The following MMP26 variants were observed in gnomAD, a reference collection of about 807,000 sequenced individuals.
MMP26 encodes the protein matrix metalloproteinase-26.
Under a neutral mutation model 31.0 loss-of-function variants are expected in MMP26, and 33 were observed. The ratio of observed to expected loss-of-function variants is 1.06; its 90% CI spans 0.81 to 1.42. The LOEUF (loss-of-function observed/expected upper bound fraction) is 1.42, where lower values mean the gene tolerates loss of function less well. Among genes scored for constraint, MMP26 ranks in the 40% most tolerant of loss-of-function variants. MMP26 has a pLI of 0.00. For synonymous variants in MMP26, 122 were observed against 114.9 expected, an observed-to-expected ratio of 1.06 and a Z score of -0.40; for missense variants, 347 against 316.1, an observed-to-expected ratio of 1.10 and a Z score of -0.74.
chr11:4,922,787 T>A (rs1020144001), intron 2 of MMP26, among the ~76,000 whole-genome samples: 7 of 152,218 alleles, frequency 4.6e-5, no homozygotes, highest in Admixed American at 4.6e-4. Flanking sequence ...TTGTGCTGTT[T>A]CAATTTGATA....
chr11:4,944,270 G>A (rs1163378637), intron 2 of MMP26: 1 of 216,850 alleles, frequency 4.6e-6, no homozygotes, highest in South Asian at 5.8e-5. Context: ...TACTATCCTG[G>A]AGCATCAGAG....
At chr11:4,900,904 T>A (rs1850790484) in intron 2 of MMP26, among the ~76,000 whole-genome samples, 2 of 152,184 alleles carry the variant, frequency 1.3e-5, no homozygotes, top group Non-Finnish European at 2.9e-5. Context: ...TCAGCTGATT[T>A]GTCCGTGGGA....
rs545466150 is a variant in MMP26 at position 4,715,828 on chromosome 11, A to G, written c.-217+10783A>G. On this transcript the variant is annotated intron_variant, in intron 1 of 7. Coordinates refer to ENST00000380390, the MANE Select transcript of MMP26 (RefSeq NM_021801.5). The stretch of plus-strand genomic sequence containing the variant: ...TTGGGTGTGTGAGTGGGGCCTGTGA[A>G]TGTGATGGGATATCACTCCCATGAT... Among the ~76,000 whole-genome samples, 17 of 152,276 alleles carry G rather than the reference A, an allele frequency of 1.1e-4. No homozygotes were observed. The East Asian group carries it at 3.3e-3, about 29-fold the overall frequency.
At chr11:4,710,120 T>C (rs1233438244) in intron 1 of MMP26, 1 of 456,818 alleles carries the variant, frequency 2.2e-6, no homozygotes, top group Admixed American at 2.3e-5. Flanking sequence ...GCTTCCACCC[T>C]GATGCGATGA....
In MMP26 at chr11:4,817,006, T is replaced by G. The variant is rs550913756; in HGVS notation, c.-145+49665T>G. Among the ~76,000 whole-genome samples, 4 of 152,118 alleles carry G rather than the reference T, an allele frequency of 2.6e-5. No individual in the cohort carries two copies. The South Asian group carries it at 8.3e-4, about 32-fold the overall frequency. On this transcript the variant is annotated intron_variant, in intron 2 of 7. Transcript: ENST00000380390. ...CCTTCTTTTGTAGTGGCACGTTTAG[T>G]GACATAGGTTGATGTGTCATTATTT...
intron 1 of MMP26, among the ~76,000 whole-genome samples, chr11:4,737,970 C>T (rs951950846): frequency 6.6e-6 from 1 of 152,174 alleles, no homozygotes; most frequent in Non-Finnish European, 1.5e-5. Context: ...GCTCTAGTCA[C>T]CATGCCCCAC....
chr11:4,714,920 T>TCTCTCTCA lies in MMP26; in HGVS notation c.-217+9876_-217+9877insTCTCTCAC, dbSNP rs376354906. ...CCAAATCTCTCTCTCTCTCTCTCTC[T>TCTCTCTCA]CACACACACACACACACACACACAC... On this transcript the variant is annotated intron_variant, in intron 1 of 7. Transcript: ENST00000380390. 6.6e-3 allele frequency among the ~76,000 whole-genome samples: 935 copies of TCTCTCTCA among 141,742 alleles called. 4 individuals carry two copies. The highest frequency in any genetic ancestry group is 0.011 in the Middle Eastern group (3 of 284). The allele number at this position is 141,742 out of a possible 152,430, so 93.0% of individuals were successfully genotyped here.
Position 4,989,725 on chromosome 11 carries a change from A to G in MMP26, c.177A>G (p.Gln59=). The change falls in exon 4 of 8, where the codon CAA becomes CAG. Residue 59 remains glutamine (Q), a synonymous_variant. Coordinates refer to ENST00000380390, the MANE Select transcript of MMP26 (RefSeq NM_021801.5). ...LTQETQTQLL[Q]QFHRNGTDLL... is the part of the protein sequence containing the mutation. ...AGGAGACACAAACACAGCTCCTGCAACAATTCCATCGGAATGGGACAGACC... is the reference window on the plus strand; with the variant it reads ...AGGAGACACAAACACAGCTCCTGCAGCAATTCCATCGGAATGGGACAGACC... 6.2e-7 allele frequency: 1 copy of G among 1,614,016 alleles called. No individual in the cohort carries two copies. Among genetic ancestry groups the G allele is most frequent in the Non-Finnish European group, 8.5e-7 (1 of 1,180,020 alleles).
chr11:4,892,321 T>A (rs891951167), intron 2 of MMP26, among the ~76,000 whole-genome samples: 4 of 152,200 alleles, frequency 2.6e-5, no homozygotes, highest in Non-Finnish European at 5.9e-5. Context: ...TATCATTAAT[T>A]CTTTAGCAAC....
intron 1 of MMP26, among the ~76,000 whole-genome samples, chr11:4,728,564 T>C (rs897119933): frequency 9.9e-5 from 15 of 152,208 alleles, no homozygotes; most frequent in Non-Finnish European, 2.9e-5. Context: ...CAGTCAGGCC[T>C]CCCTTCTATT....
In MMP26 at chr11:4,990,810, T is replaced by C. The variant is rs1846988569; in HGVS notation, c.469+64T>C. On this transcript the variant is annotated intron_variant, in intron 5 of 7. Transcript: ENST00000380390. ...CTGTGTAAAGGACAAAGGGTTTCCA[T>C]CCTTAAACAAAAACCTAGCCCCCCT... 5 of 1,476,778 alleles carry C rather than the reference T, an allele frequency of 3.4e-6. 1 individual carries two copies. In the South Asian group the frequency reaches 7.6e-5, roughly 22 times the overall value. The allele number at this position is 1,476,778 out of a possible 1,614,324, so 91.5% of individuals were successfully genotyped here. A position where few individuals can be genotyped will look rare whatever the true frequency, so the allele number is the denominator to read the frequency against.
chr11:4,869,950 T>C (rs1218468547), intron 2 of MMP26, among the ~76,000 whole-genome samples: 2 of 152,174 alleles, frequency 1.3e-5, no homozygotes, highest in African/African-American at 4.8e-5. Flanking sequence ...GAAACCATCA[T>C]TGTGAGAAAA....
chr11:4,934,018 A>G (rs373023470), intron 2 of MMP26, among the ~76,000 whole-genome samples: 1 of 143,234 alleles, frequency 7.0e-6, no homozygotes, highest in Non-Finnish European at 1.5e-5. Context: ...ATTGTGAATA[A>G]TGCCGCAATA....
At chr11:4,764,029 C>T (rs1052490625) in intron 1 of MMP26, among the ~76,000 whole-genome samples, 1 of 152,048 alleles carries the variant, frequency 6.6e-6, no homozygotes, top group Non-Finnish European at 1.5e-5. Flanking sequence ...TGTGCCTCTG[C>T]CTAATAAAGT....
chr11:4,988,712 G>A (rs545603487), intron 3 of MMP26, among the ~76,000 whole-genome samples: 58 of 152,072 alleles, frequency 3.8e-4, no homozygotes, highest in African/African-American at 1.3e-3. Flanking sequence ...TCTCCCAGTC[G>A]GTCTACCACA....
Position 4,883,720 on chromosome 11 carries a change from C to T in MMP26, c.-144-104348C>T, listed in dbSNP as rs533629716. 6.6e-4 allele frequency among the ~76,000 whole-genome samples: 100 copies of T among 152,108 alleles called. 1 individual carries two copies. The highest frequency in any genetic ancestry group is 1.0e-3 in the Non-Finnish European group (70 of 68,030). ...TGCTTCTACCTTCTGGTATACTCAT[C>T]ACTCTAGAATTGCACAGTAGCTTTG... On this transcript the variant is annotated intron_variant, in intron 2 of 7. Transcript: ENST00000380390.
intron 2 of MMP26, chr11:4,848,624 C>T: frequency 6.2e-7 from 1 of 1,608,912 alleles, no homozygotes; most frequent in East Asian, 2.2e-5. Context: ...CTGGGCAGGC[C>T]AAACGAGCCA....
At chr11:4,925,645 T>A (rs1851260317) in intron 2 of MMP26, among the ~76,000 whole-genome samples, 1 of 151,924 alleles carries the variant, frequency 6.6e-6, no homozygotes, top group South Asian at 2.1e-4. Context: ...ATAAAACTGA[T>A]AACTTTTAAA....
intron 2 of MMP26, chr11:4,908,784 G>A (rs915588498): frequency 6.2e-6 from 1 of 161,356 alleles, no homozygotes. Flanking sequence ...AGATTTTGGA[G>A]CACCTAAAAA....
Sources: allele counts gnomAD v4.1 joint callset (sites outside exome capture counted in the v4.1 genomes callset), GRCh38; gene constraint gnomAD v4.1.1; transcripts MANE v1.5; gene names NCBI Gene and HGNC (gene_info 2026-07-23, HGNC 2026-07-21).